The following RCBTB1 variants were observed in gnomAD, a reference collection of about 807,000 sequenced individuals.
RCBTB1 encodes RCC1 and BTB domain containing protein 1.
Under a neutral mutation model 62.4 loss-of-function variants are expected in RCBTB1, and 46 were observed. The observed-to-expected ratio is 0.74, with a 90% confidence interval of 0.58 to 0.94. The LOEUF (loss-of-function observed/expected upper bound fraction) is 0.94, where lower values mean the gene tolerates loss of function less well. Among genes scored for constraint, RCBTB1 ranks in the 40% least tolerant of loss-of-function variants. The pLI, the probability that RCBTB1 is intolerant of heterozygous loss-of-function variation, is 0.00. For missense variants in RCBTB1, 565 were observed against 654.9 expected (o/e 0.86, Z 1.50); for synonymous variants, 222 against 245.8 (o/e 0.90, Z 0.91).
At chr13:49,576,113 GGAGGCGGAGCTTGC>G (rs1963765909) in intron 2 of RCBTB1, among the ~76,000 whole-genome samples, 1 of 150,350 alleles carries the variant, frequency 6.7e-6, no homozygotes, top group Admixed American at 6.7e-5. Flanking sequence ...CATGAACCTG[GGAGGCGGAGCTTGC>G]AGTGAGCCAA....
intron 12 of RCBTB1, among the ~76,000 whole-genome samples, chr13:49,534,939 C>A (rs1397236128): frequency 6.6e-6 from 1 of 152,140 alleles, no homozygotes; most frequent in Non-Finnish European, 1.5e-5. Flanking sequence ...GAGACTGAGA[C>A]AGGAGAATCG....
rs553116619 is a variant in RCBTB1 at position 49,555,238 on chromosome 13, C to T, written c.603+277G>A. Among the ~76,000 whole-genome samples the T allele has an allele frequency of 7.2e-5, 11 of 152,292 alleles. No homozygotes were observed. The South Asian group carries it at 2.1e-3, about 29-fold the overall frequency. On this transcript the variant is annotated intron_variant, in intron 6 of 12. Coordinates refer to ENST00000378302, the MANE Select transcript of RCBTB1 (RefSeq NM_018191.4). ...CTTTAATCTATTACATTAAATATCA[C>T]GAACAAATAGCTATAGGCATTAGGC... is the stretch of plus-strand genomic sequence containing the variant.
chr13:49,539,016 C>CGT (rs1566212598), intron 12 of RCBTB1, among the ~76,000 whole-genome samples: 1 of 151,462 alleles, frequency 6.6e-6, no homozygotes, highest in Non-Finnish European at 1.5e-5. Flanking sequence ...ATTACAGGTA[C>CGT]GCACCACCAC....
At chr13:49,561,842 A>C (rs1341106164) in intron 4 of RCBTB1, among the ~76,000 whole-genome samples, 1 of 152,038 alleles carries the variant, frequency 6.6e-6, no homozygotes, top group Non-Finnish European at 1.5e-5. Flanking sequence ...CTGTAATCCC[A>C]GCACTTTGGG....
intron 1 of RCBTB1, among the ~76,000 whole-genome samples, chr13:49,582,690 G>A (rs749672606): frequency 9.2e-5 from 14 of 152,044 alleles, no homozygotes; most frequent in Non-Finnish European, 1.8e-4. Flanking sequence ...CATGCCCACC[G>A]GCAATGTACA....
intron 2 of RCBTB1, among the ~76,000 whole-genome samples, chr13:49,579,349 C>T (rs1170611262): frequency 6.6e-6 from 1 of 152,100 alleles, no homozygotes; most frequent in African/African-American, 2.4e-5. Flanking sequence ...GGAGGCCGGG[C>T]GTGGTGGCTC....
rs138185136 is a variant in RCBTB1, at chr13:49,554,114, C to T, written c.603+1401G>A. Among the ~76,000 whole-genome samples, 7 of 152,098 alleles carry T rather than the reference C, an allele frequency of 4.6e-5. No homozygotes were observed. The East Asian group carries it at 1.4e-3, about 29-fold the overall frequency. On this transcript the variant is annotated intron_variant, in intron 6 of 12. Transcript: ENST00000378302. ...AAACACAGGATGCTATACAGGGGAG[C>T]GGGAAGCAGGCTGAAGAATAGCAGA...
intron 4 of RCBTB1, among the ~76,000 whole-genome samples, chr13:49,562,980 T>C (rs921416750): frequency 6.6e-6 from 1 of 150,386 alleles, no homozygotes; most frequent in African/African-American, 2.5e-5. Context: ...AAATGACCAA[T>C]ACAATAAATT....
intron 2 of RCBTB1, among the ~76,000 whole-genome samples, chr13:49,573,678 G>A (rs541791491): frequency 1.3e-5 from 2 of 152,046 alleles, no homozygotes; most frequent in South Asian, 2.1e-4. Context: ...TCAAACTCCC[G>A]ACCTCAAGTG....
chr13:49,546,251 C>T (rs1013152069), intron 9 of RCBTB1: 1 of 985,304 alleles, frequency 1.0e-6, no homozygotes, highest in Admixed American at 6.1e-5. Context: ...TACATCCTTT[C>T]AGAGAAGAAA....
intron 12 of RCBTB1, among the ~76,000 whole-genome samples, chr13:49,537,051 A>C (rs1959997022): frequency 6.6e-6 from 1 of 152,178 alleles, no homozygotes; most frequent in South Asian, 2.1e-4. Context: ...CCTCTAAGGG[A>C]GTTCTTACCC....
intron 12 of RCBTB1, among the ~76,000 whole-genome samples, chr13:49,535,446 T>A (rs1035668769): frequency 6.6e-6 from 1 of 152,196 alleles, no homozygotes; most frequent in South Asian, 2.1e-4. Context: ...TTGACTTTAT[T>A]ACAACTTGGT....
Position 49,566,640 on chromosome 13 carries a change from T to C in RCBTB1, c.255A>G (p.Pro85=), listed in dbSNP as rs1016890235. 2.5e-6 allele frequency: 4 copies of C among 1,613,644 alleles called. No homozygotes were observed. The African/African-American group carries it at 5.3e-5, about 22-fold the overall frequency. The change falls in exon 4 of 13, where the codon CCA becomes CCG. Residue 85 remains proline (P), a synonymous_variant. Coordinates refer to ENST00000378302, the MANE Select transcript of RCBTB1 (RefSeq NM_018191.4). ...KIKSLSYGSG[P]HVLLSTEDGV... is the part of the protein sequence containing the mutation. The stretch of plus-strand genomic sequence containing the variant: ...TACCTTCGGTGCTGAGAAGAACATG[T>C]GGTCCACTCCCGTAACTGAGGCTTT...
chr13:49,535,435 C>T (rs17073103), intron 12 of RCBTB1, among the ~76,000 whole-genome samples: 3,219 of 152,214 alleles, frequency 0.021, 108 homozygotes, highest in East Asian at 0.13. Context: ...TCACAAATAG[C>T]TTGACTTTAT....
At chr13:49,551,755 C>T (rs1037361073) in intron 7 of RCBTB1, among the ~76,000 whole-genome samples, 11 of 152,098 alleles carry the variant, frequency 7.2e-5, no homozygotes, top group Non-Finnish European at 1.3e-4. Context: ...AAAAAATTAG[C>T]CAGGTGTGGT....
chr13:49,553,408 A>C (rs141490629), intron 6 of RCBTB1, among the ~76,000 whole-genome samples: 17 of 152,250 alleles, frequency 1.1e-4, no homozygotes, highest in Non-Finnish European at 2.2e-4. Context: ...TGAGGCTCTA[A>C]ACTAAGGAGT....
At chr13:49,537,012 T>C (rs192863852) in intron 12 of RCBTB1, among the ~76,000 whole-genome samples, 41 of 152,350 alleles carry the variant, frequency 2.7e-4, no homozygotes, top group Admixed American at 2.5e-3. Flanking sequence ...ATGGTCTTAA[T>C]ATCCTCATTT....
intron 4 of RCBTB1, among the ~76,000 whole-genome samples, chr13:49,561,974 G>A (rs773026330): frequency 4.6e-5 from 7 of 150,546 alleles, no homozygotes; most frequent in Admixed American, 6.6e-5. Context: ...ATGGTAGCGC[G>A]CACCTGTAAT....
chr13:49,573,242 T>C (rs906239790), intron 2 of RCBTB1, among the ~76,000 whole-genome samples: 3 of 152,208 alleles, frequency 2.0e-5, no homozygotes, highest in African/African-American at 7.2e-5. Context: ...TATACAGAAA[T>C]GTATACACCA....
Sources: allele counts gnomAD v4.1 joint callset (sites outside exome capture counted in the v4.1 genomes callset), GRCh38; gene constraint gnomAD v4.1.1; transcripts MANE v1.5; gene names NCBI Gene and HGNC (gene_info 2026-07-23, HGNC 2026-07-21).